CEP112: variants seen among roughly 807,000 people sequenced by gnomAD.
CEP112 encodes the protein centrosomal protein of 112 kDa.
In CEP112, 127 loss-of-function variants were observed where a neutral mutation model predicts 153.0. The observed-to-expected ratio is 0.83, with a 90% CI of 0.72 to 0.96. The LOEUF (loss-of-function observed/expected upper bound fraction) is 0.96, where lower values mean the gene tolerates loss of function less well. CEP112 is among the 40% of genes least tolerant of loss of function. The pLI is 0.00. For missense variants in CEP112, 1,089 were observed against 1,101.2 expected, an observed-to-expected ratio of 0.99 and a Z score of 0.16; for synonymous variants, 358 against 374.4, an observed-to-expected ratio of 0.96 and a Z score of 0.51.
intron 2 of CEP112, among the ~76,000 whole-genome samples, chr17:66,178,374 G>A (rs1314427850): frequency 6.6e-6 from 1 of 152,172 alleles, no homozygotes; most frequent in East Asian, 1.9e-4. Context: ...ATTGAGAAAT[G>A]TCTATTTAGA....
Position 66,069,988 on chromosome 17 carries a change from G to T in CEP112, c.782C>A (p.Thr261Lys). 6.2e-7 allele frequency: 1 copy of T among 1,600,736 alleles called. No homozygotes were observed. Among genetic ancestry groups the T allele is most frequent in the Non-Finnish European group, 8.5e-7 (1 of 1,171,300 alleles). Residue 261 changes from threonine (T) to lysine (K), a missense_variant, in exon 9 of 27, where the codon ACA becomes AAA. By Grantham distance (78) the Thr-to-Lys change is moderately conservative. Transcript: ENST00000535342. ...ATGAAATTTAGCTTCCATCATTTTTGTTTTCATGTCCAGCTTCAAGAAAAA... is the reference window on the plus strand; with the variant it reads ...ATGAAATTTAGCTTCCATCATTTTTTTTTTCATGTCCAGCTTCAAGAAAAA... ...RIREKELDMK[T>K]KMMEAKFHEE...
intron 8 of CEP112, among the ~76,000 whole-genome samples, chr17:66,091,132 AAG>A (rs2068116536): frequency 6.6e-6 from 1 of 152,254 alleles, no homozygotes; most frequent in East Asian, 1.9e-4. Flanking sequence ...GTTACCCAGA[AAG>A]AAAATTAATA....
At chr17:65,875,262 C>A (rs531678855) in intron 20 of CEP112, among the ~76,000 whole-genome samples, 4 of 152,148 alleles carry the variant, frequency 2.6e-5, no homozygotes, top group Middle Eastern at 3.4e-3. Flanking sequence ...AGAAAAAGAA[C>A]AGTTAGACCA....
intron 24 of CEP112, among the ~76,000 whole-genome samples, chr17:65,672,213 C>A (rs371404101): frequency 5.9e-5 from 9 of 152,222 alleles, no homozygotes; most frequent in African/African-American, 2.2e-4. Context: ...AAGAAATGTA[C>A]AACACATCCA....
chr17:65,782,486 T>G (rs1185475605), intron 21 of CEP112, among the ~76,000 whole-genome samples: 3 of 152,210 alleles, frequency 2.0e-5, no homozygotes, highest in Non-Finnish European at 4.4e-5. Flanking sequence ...ATCCCATTAC[T>G]GGGTATACAA....
chr17:65,826,652 C>T, intron 21 of CEP112: 1 of 736,274 alleles, frequency 1.4e-6, no homozygotes. Context: ...GACAAGGCAA[C>T]AGTATGACGA....
intron 19 of CEP112, among the ~76,000 whole-genome samples, chr17:65,920,365 ATATATATATATATATAT>A (rs2060664826): frequency 6.1e-5 from 2 of 32,822 alleles, no homozygotes; most frequent in Non-Finnish European, 1.0e-4. Flanking sequence ...CAAACAAAAT[ATATATATATATATATAT>A]ATATATATAT....
At chr17:65,663,392 C>T (rs1181637275) in intron 24 of CEP112, among the ~76,000 whole-genome samples, 7 of 152,282 alleles carry the variant, frequency 4.6e-5, no homozygotes, top group Admixed American at 1.3e-4. Context: ...TTTCAGGAGA[C>T]TTGCCTGAGA....
At chr17:65,977,333 A>G (rs2063074503) in intron 17 of CEP112, among the ~76,000 whole-genome samples, 1 of 152,132 alleles carries the variant, frequency 6.6e-6, no homozygotes, top group African/African-American at 2.4e-5. Context: ...CAGCTTCTGC[A>G]TTGAGTCAGT....
intron 19 of CEP112, among the ~76,000 whole-genome samples, chr17:65,910,404 G>T (rs748746815): frequency 1.3e-5 from 2 of 152,016 alleles, no homozygotes; most frequent in Non-Finnish European, 2.9e-5. Flanking sequence ...GAAAACTAGA[G>T]AAACATTAAT....
chr17:65,739,703 T>A (rs1056397071), intron 23 of CEP112, among the ~76,000 whole-genome samples: 2 of 151,924 alleles, frequency 1.3e-5, no homozygotes, highest in Non-Finnish European at 2.9e-5. Context: ...GCCACTGCAC[T>A]CCAGCCTGGG....
intron 21 of CEP112, among the ~76,000 whole-genome samples, chr17:65,829,779 A>G (rs2057003817): frequency 6.6e-6 from 1 of 152,216 alleles, no homozygotes; most frequent in Non-Finnish European, 1.5e-5. Flanking sequence ...GAAAAGGTAC[A>G]TCGTTTACAT....
intron 16 of CEP112, among the ~76,000 whole-genome samples, chr17:66,010,074 T>C (rs988896765): frequency 6.6e-6 from 1 of 152,210 alleles, no homozygotes; most frequent in African/African-American, 2.4e-5. Flanking sequence ...TTAACAATAT[T>C]GATTCTTCCT....
Position 65,975,016 on chromosome 17 carries a change from C to T in CEP112, c.1737-13418G>A, listed in dbSNP as rs143174701. Among the ~76,000 whole-genome samples, 850 of 151,054 alleles carry T rather than the reference C, an allele frequency of 5.6e-3. 12 individuals carry two copies. Among genetic ancestry groups the T allele is most frequent in the African/African-American group, 0.019 (798 of 41,314 alleles). On this transcript the variant is annotated intron_variant, in intron 17 of 26. Transcript: ENST00000535342. ...TTCTGAAATGAACTACAAACAGAAA[C>T]AAATAAACATACTTGTATTTCAAAT... is the stretch of plus-strand genomic sequence containing the variant.
At chr17:65,696,528 G>A (rs962711328) in intron 23 of CEP112, among the ~76,000 whole-genome samples, 8 of 152,158 alleles carry the variant, frequency 5.3e-5, no homozygotes, top group Non-Finnish European at 8.8e-5. Context: ...TGGATTTTAA[G>A]GGCCTTGGGT....
chr17:66,132,502 T>C (rs1047590609), intron 5 of CEP112, among the ~76,000 whole-genome samples, 168 bp downstream of exon 5: 4 of 152,206 alleles, frequency 2.6e-5, no homozygotes, highest in African/African-American at 9.6e-5. Flanking sequence ...GATACTACAC[T>C]ATATACCAAA....
rs78220807 is a variant in CEP112 at position 66,051,193 on chromosome 17, G to A, written c.1218+2543C>T. On this transcript the variant is annotated intron_variant, in intron 12 of 26. Transcript: ENST00000535342. Reference sequence around the variant, plus strand: ...ATGGTCTCACCATGTTACCCTGGATGGTCTTGAATTCCTGGGCTCAATCAA... The same window carrying A: ...ATGGTCTCACCATGTTACCCTGGATAGTCTTGAATTCCTGGGCTCAATCAA... 4.1e-3 allele frequency among the ~76,000 whole-genome samples: 623 copies of A among 150,758 alleles called. 4 individuals carry two copies. Among genetic ancestry groups the A allele is most frequent in the African/African-American group, 0.015 (608 of 41,044 alleles).
chr17:66,072,550 C>T (rs1297331895), intron 8 of CEP112, among the ~76,000 whole-genome samples: 1 of 152,126 alleles, frequency 6.6e-6, no homozygotes, highest in Non-Finnish European at 1.5e-5. Flanking sequence ...TTCCTCATGA[C>T]TAGGTTTATG....
intron 21 of CEP112, among the ~76,000 whole-genome samples, chr17:65,802,933 C>A (rs2055367632): frequency 6.6e-6 from 1 of 152,212 alleles, no homozygotes; most frequent in African/African-American, 2.4e-5. Context: ...GTGGGAAGAC[C>A]TTTACAAGTG....
Sources: allele counts gnomAD v4.1 joint callset (sites outside exome capture counted in the v4.1 genomes callset), GRCh38; gene constraint gnomAD v4.1.1; transcripts MANE v1.5; gene names NCBI Gene and HGNC (gene_info 2026-07-23, HGNC 2026-07-21).